CEP85L: variants seen among roughly 807,000 people sequenced by gnomAD.
CEP85L encodes centrosomal protein 85L.
In CEP85L, 60 loss-of-function variants were observed where a neutral mutation model predicts 100.3. That is an observed-to-expected ratio of 0.60 (90% confidence interval 0.49 to 0.74). The LOEUF is 0.74. Among genes scored for constraint, CEP85L ranks in the 30% least tolerant of loss-of-function variants. CEP85L has a pLI of 0.00. For missense variants in CEP85L, 973 were observed against 936.2 expected, an observed-to-expected ratio of 1.04 and a Z score of -0.51; for synonymous variants, 319 against 322.7, an observed-to-expected ratio of 0.99 and a Z score of 0.12.
At chr6:118,603,558 G>T (rs951606249) in intron 2 of CEP85L, among the ~76,000 whole-genome samples, 1 of 152,196 alleles carries the variant, frequency 6.6e-6, no homozygotes, top group African/African-American at 2.4e-5. Context: ...TCCAAAGTTT[G>T]TTCATAGGAG....
intron 2 of CEP85L, among the ~76,000 whole-genome samples, chr6:118,611,555 T>A (rs188012284): frequency 6.6e-6 from 1 of 152,146 alleles, no homozygotes; most frequent in African/African-American, 2.4e-5. Context: ...AATTAAAAGA[T>A]AGAAATTGGC....
chr6:118,681,334 CA>C (rs1776651963), intron 1 of CEP85L, among the ~76,000 whole-genome samples: 1 of 151,988 alleles, frequency 6.6e-6, no homozygotes, highest in South Asian at 2.1e-4. Flanking sequence ...TATATAGAAT[CA>C]TAAGGGAGAG....
intron 3 of CEP85L, among the ~76,000 whole-genome samples, chr6:118,554,267 A>C (rs987429146): frequency 6.6e-6 from 1 of 152,150 alleles, no homozygotes; most frequent in African/African-American, 2.4e-5. Flanking sequence ...AGCCTGGGTG[A>C]CAGAGCAAGA....
chr6:118,613,979 T>G lies in CEP85L; in HGVS notation c.232+18474A>C, dbSNP rs568085404. On this transcript the variant is annotated intron_variant, in intron 2 of 12. Transcript: ENST00000368491. ...CCTTATCGATACACGAAAACAATCC[T>G]TAACAAACTATAAACAAAATTCAGC... Among the ~76,000 whole-genome samples the G allele has an allele frequency of 1.1e-3, 170 of 152,180 alleles. 2 individuals are homozygous for G. The highest frequency in any genetic ancestry group is 6.1e-3 in the Admixed American group (93 of 15,278).
At chr6:118,628,136 C>A in intron 2 of CEP85L, among the ~76,000 whole-genome samples, 1 of 150,126 alleles carries the variant, frequency 6.7e-6, no homozygotes, top group Non-Finnish European at 1.5e-5. Context: ...GATCAGCTTT[C>A]AAAAAATAAA....
At chr6:118,585,940 A>G (rs1780834413) in intron 2 of CEP85L, among the ~76,000 whole-genome samples, 2 of 152,330 alleles carry the variant, frequency 1.3e-5, no homozygotes, top group South Asian at 4.1e-4. Flanking sequence ...GGGTAGAAGC[A>G]TTTCCATGTT....
At chr6:118,649,643 C>A (rs1332532685) in intron 1 of CEP85L, among the ~76,000 whole-genome samples, 1 of 152,124 alleles carries the variant, frequency 6.6e-6, no homozygotes, top group African/African-American at 2.4e-5. Flanking sequence ...GCTTCTCAAT[C>A]ACTGAAGTTA....
intron 6 of CEP85L, among the ~76,000 whole-genome samples, chr6:118,489,953 GCA>G (rs752264637): frequency 1.2e-4 from 18 of 150,362 alleles, no homozygotes; most frequent in Admixed American, 3.3e-4. Context: ...ATATACACAT[GCA>G]CACACACACA....
At chr6:118,517,731 T>C (rs1010009684) in intron 4 of CEP85L, among the ~76,000 whole-genome samples, 2 of 152,224 alleles carry the variant, frequency 1.3e-5, no homozygotes, top group African/African-American at 4.8e-5. Flanking sequence ...CTTTTATTTC[T>C]TTCTCTTGCC....
At chr6:118,662,421 T>A (rs1776002652) in intron 1 of CEP85L, among the ~76,000 whole-genome samples, 1 of 151,496 alleles carries the variant, frequency 6.6e-6, no homozygotes. Context: ...TCCCAGATAC[T>A]CGGGAGGCTG....
At chr6:118,519,804 C>A (rs1179027037) in intron 4 of CEP85L, among the ~76,000 whole-genome samples, 2 of 151,912 alleles carry the variant, frequency 1.3e-5, no homozygotes, top group Non-Finnish European at 1.5e-5. Flanking sequence ...ACCCCAAAAA[C>A]CAGTGAATAA....
In CEP85L at chr6:118,470,623, T is replaced by C. The variant is rs201685330; in HGVS notation, c.1936A>G (p.Lys646Glu). The C allele has an allele frequency of 2.1e-5, 33 of 1,602,274 alleles. No homozygotes were observed. In the East Asian group the frequency reaches 3.9e-4, roughly 19 times the overall value. ...ATCTTTTGAGTGGTCAGTTTCTCTT[T>C]AGAAAGCTTTCCTTGCATAGACTAG... ...EIQSMQGKLS[K>E]EKLTTQKMME... The change falls in exon 11 of 13, where the codon AAA becomes GAA. Residue 646 changes from lysine to glutamate, a missense_variant. Lys to Glu is a moderately conservative substitution (Grantham distance 56). Coordinates refer to ENST00000368491, the MANE Select transcript of CEP85L (RefSeq NM_001042475.3).
At chr6:118,648,461 G>C (rs982178552) in intron 1 of CEP85L, among the ~76,000 whole-genome samples, 6 of 152,016 alleles carry the variant, frequency 3.9e-5, no homozygotes, top group Non-Finnish European at 8.8e-5. Flanking sequence ...GGTTCTATAA[G>C]CCGGGCGCGG....
intron 4 of CEP85L, among the ~76,000 whole-genome samples, chr6:118,516,334 T>C (rs1271975206): frequency 1.3e-5 from 2 of 152,234 alleles, no homozygotes; most frequent in Non-Finnish European, 2.9e-5. Context: ...CCACACTGTC[T>C]TCCACAATGG....
At chr6:118,563,312 T>C (rs1007850900) in intron 3 of CEP85L, among the ~76,000 whole-genome samples, 2 of 152,146 alleles carry the variant, frequency 1.3e-5, no homozygotes, top group African/African-American at 4.8e-5. Flanking sequence ...TATTCTGGAC[T>C]AAGTCCTAGG....
At chr6:118,615,336 C>T (rs1336866159) in intron 2 of CEP85L, among the ~76,000 whole-genome samples, 1 of 151,354 alleles carries the variant, frequency 6.6e-6, no homozygotes, top group Admixed American at 6.6e-5. Context: ...ACCCAGACTT[C>T]AATATTCTAA....
intron 1 of CEP85L, among the ~76,000 whole-genome samples, chr6:118,669,623 G>A (rs913957441): frequency 2.0e-5 from 3 of 152,078 alleles, no homozygotes; most frequent in African/African-American, 7.2e-5. Context: ...GTCACTTTGT[G>A]AAAAACCAAT....
chr6:118,579,154 C>T (rs1780417960), intron 2 of CEP85L, among the ~76,000 whole-genome samples: 1 of 152,028 alleles, frequency 6.6e-6, no homozygotes, highest in Admixed American at 6.6e-5. Context: ...CCTTGGCTTC[C>T]CATAGTGTTG....
At chr6:118,604,509 T>C (rs482910) in intron 2 of CEP85L, among the ~76,000 whole-genome samples, 32,833 of 152,208 alleles carry the variant, frequency 0.22, 4,668 homozygotes, top group East Asian at 0.61. Context: ...TTACCAAAAG[T>C]ACATTTTATT....
Sources: allele counts gnomAD v4.1 joint callset (sites outside exome capture counted in the v4.1 genomes callset), GRCh38; gene constraint gnomAD v4.1.1; transcripts MANE v1.5; gene names NCBI Gene and HGNC (gene_info 2026-07-23, HGNC 2026-07-21).